MINDY2: variants seen among roughly 807,000 people sequenced by gnomAD.
The protein encoded by MINDY2 is ubiquitin carboxyl-terminal hydrolase MINDY-2.
In MINDY2, 52 loss-of-function variants were observed where a neutral mutation model predicts 68.2. The observed-to-expected ratio is 0.76, with a 90% CI of 0.61 to 0.96. The LOEUF (loss-of-function observed/expected upper bound fraction) is 0.96. Ranked by LOEUF, MINDY2 falls within the 40% of genes least tolerant of loss-of-function variation. The pLI, the probability that MINDY2 is intolerant of heterozygous loss-of-function variation, is 0.00. For missense variants in MINDY2, 881 were observed against 773.4 expected (o/e 1.14, Z -1.65); for synonymous variants, 372 against 303.0 (o/e 1.23, Z -2.36).
At chr15:58,814,935 G>T (rs1372873130) in intron 4 of MINDY2, among the ~76,000 whole-genome samples, 1 of 151,720 alleles carries the variant, frequency 6.6e-6, no homozygotes, top group Non-Finnish European at 1.5e-5. Context: ...GAGCCACTGT[G>T]CCTGGACTTA....
At chr15:58,851,523 C>A (rs1257428231) in intron 7 of MINDY2, among the ~76,000 whole-genome samples, 3 of 152,024 alleles carry the variant, frequency 2.0e-5, no homozygotes, top group African/African-American at 4.8e-5. Context: ...ACTGTAACCT[C>A]AAACTCCTGG....
At chr15:58,823,278 C>T (rs1012126871) in intron 5 of MINDY2, among the ~76,000 whole-genome samples, 28 of 151,818 alleles carry the variant, frequency 1.8e-4, no homozygotes, top group African/African-American at 6.3e-4. Context: ...GCTGGGATTA[C>T]AGGCATGCAA....
chr15:58,837,293 C>G (rs1595767985), intron 6 of MINDY2, among the ~76,000 whole-genome samples: 1 of 152,092 alleles, frequency 6.6e-6, no homozygotes, highest in Admixed American at 6.6e-5. Flanking sequence ...AAAATAGAGG[C>G]TGGGCATGGT....
intron 6 of MINDY2, among the ~76,000 whole-genome samples, chr15:58,835,169 T>C (rs1344109130): frequency 6.6e-6 from 1 of 152,196 alleles, no homozygotes; most frequent in Non-Finnish European, 1.5e-5. Flanking sequence ...GACCTCGTAG[T>C]TTGACAAGGG....
At chr15:58,852,922 GTTTTTTTTTTTTTTTTTTTT>G (rs746154698) in intron 8 of MINDY2, among the ~76,000 whole-genome samples, 1,084 of 48,894 alleles carry the variant, frequency 0.022, 45 homozygotes, top group African/African-American at 0.079. Flanking sequence ...TGCTGTTCCT[GTTTTTTTTTTTTTTTTTTTT>G]TTTTTTTTTT....
chr15:58,789,760 G>C (rs1901764942), intron 2 of MINDY2, among the ~76,000 whole-genome samples: 1 of 152,028 alleles, frequency 6.6e-6, no homozygotes, highest in Admixed American at 6.5e-5. Flanking sequence ...TGATTCTCCT[G>C]CCTCAGCCTC....
At chr15:58,789,340 A>C (rs548587707) in intron 2 of MINDY2, among the ~76,000 whole-genome samples, 1 of 152,344 alleles carries the variant, frequency 6.6e-6, no homozygotes, top group African/African-American at 2.4e-5. Flanking sequence ...TCCGTCTCAA[A>C]AACAAAAGAA....
intron 6 of MINDY2, among the ~76,000 whole-genome samples, chr15:58,841,390 C>A (rs112685813): frequency 4.0e-5 from 6 of 151,406 alleles, no homozygotes; most frequent in African/African-American, 1.5e-4. Flanking sequence ...GAAGATAATA[C>A]GCTTTTCCTT....
intron 6 of MINDY2, among the ~76,000 whole-genome samples, chr15:58,835,019 TCTTA>T (rs1347868743): frequency 1.3e-5 from 2 of 152,204 alleles, no homozygotes; most frequent in Non-Finnish European, 2.9e-5. Context: ...TCATTTTATT[TCTTA>T]CTTAACCTGA....
rs746198882 is a variant in MINDY2 at position 58,771,885 on chromosome 15, C to T, written c.490C>T (p.Pro164Ser). 3.8e-6 allele frequency: 6 copies of T among 1,570,940 alleles called. No individual in the cohort carries two copies. The South Asian group carries it at 7.1e-5, about 19-fold the overall frequency. The part of the protein sequence containing the change: ...AGGLSSSCSD[P>S]SPPGESPSLD... ...CGGCCTCAGCAGCAGTTGCAGCGACCCGAGCCCTCCTGGGGAATCTCCGAG... is the reference window on the plus strand; with the variant it reads ...CGGCCTCAGCAGCAGTTGCAGCGACTCGAGCCCTCCTGGGGAATCTCCGAG... Residue 164 changes from proline (P) to serine (S), a missense_variant, in exon 1 of 9, where the codon CCG becomes TCG. By Grantham distance (74) the Pro-to-Ser change is moderately conservative. Transcript: ENST00000559228.
At chr15:58,784,984 G>A (rs545024427) in intron 1 of MINDY2, among the ~76,000 whole-genome samples, 13 of 151,786 alleles carry the variant, frequency 8.6e-5, no homozygotes, top group Admixed American at 3.3e-4. Context: ...CAGACAGACT[G>A]CCACAACTGT....
intron 6 of MINDY2, among the ~76,000 whole-genome samples, chr15:58,837,968 CAAA>C (rs34909401): frequency 2.7e-4 from 20 of 75,114 alleles, no homozygotes; most frequent in Admixed American, 4.8e-4. Flanking sequence ...GACCTTCTTT[CAAA>C]AAAAAAAAAA....
intron 2 of MINDY2, among the ~76,000 whole-genome samples, chr15:58,790,830 A>G (rs1243409234): frequency 6.6e-6 from 1 of 152,130 alleles, no homozygotes; most frequent in African/African-American, 2.4e-5. Context: ...AAATGGAGCA[A>G]GGCTTTTAGG....
chr15:58,812,189 G>A (rs1433555405), intron 4 of MINDY2, among the ~76,000 whole-genome samples: 1 of 152,142 alleles, frequency 6.6e-6, no homozygotes, highest in East Asian at 1.9e-4. Flanking sequence ...TGTAATCCCA[G>A]TACTTTGGGA....
chr15:58,796,290 TAAGCTC>T (rs1902281695), intron 2 of MINDY2: 55 of 360,812 alleles, frequency 1.5e-4, no homozygotes, highest in South Asian at 1.2e-3. Context: ...GAAACTATCT[TAAGCTC>T]AAGCTAGAGG....
chr15:58,824,015 T>C (rs1220653910), intron 5 of MINDY2, among the ~76,000 whole-genome samples: 1 of 152,178 alleles, frequency 6.6e-6, no homozygotes, highest in Non-Finnish European at 1.5e-5. Flanking sequence ...CAGTAGTACT[T>C]GAAGGAACAA....
intron 2 of MINDY2, among the ~76,000 whole-genome samples, chr15:58,799,947 A>G (rs1198424079): frequency 6.6e-6 from 1 of 152,234 alleles, no homozygotes. Flanking sequence ...TGTTAGTATG[A>G]TGATGAGACT....
rs1176236907 is a variant in MINDY2, at chr15:58,861,349, A to G, written c.*6739A>G. 1 of 152,144 alleles carries G rather than the reference A, an allele frequency of 6.6e-6. No individual in the cohort carries two copies. The highest frequency in any genetic ancestry group is 1.5e-5 in the Non-Finnish European group (1 of 68,026). 9.4% of individuals were successfully genotyped at this position (152,144 alleles called of 1,614,324 possible). On this transcript the variant is annotated 3_prime_UTR_variant, in exon 9 of 9. Coordinates refer to ENST00000559228, the MANE Select transcript of MINDY2 (RefSeq NM_001040450.3). Reference sequence around the variant, plus strand: ...GTTCTCAAAGCGTTTTAATATATAGATTACGTATGAGTGCCTATTTTTTCC... The same window carrying G: ...GTTCTCAAAGCGTTTTAATATATAGGTTACGTATGAGTGCCTATTTTTTCC...
At chr15:58,813,544 T>A (rs2030451244) in intron 4 of MINDY2, among the ~76,000 whole-genome samples, 1 of 152,182 alleles carries the variant, frequency 6.6e-6, no homozygotes, top group Non-Finnish European at 1.5e-5. Flanking sequence ...TTTCTCTGGG[T>A]TAAATGCCCA....
Sources: allele counts gnomAD v4.1 joint callset (sites outside exome capture counted in the v4.1 genomes callset), GRCh38; gene constraint gnomAD v4.1.1; transcripts MANE v1.5; gene names NCBI Gene and HGNC (gene_info 2026-07-23, HGNC 2026-07-21).